The following CASP6 variants were observed in gnomAD, a reference collection of about 807,000 sequenced individuals.
CASP6 encodes caspase-6.
A neutral mutation model predicts 31.8 loss-of-function variants in CASP6; 20 were observed. That is an observed-to-expected ratio of 0.63 (90% CI 0.44 to 0.91). The LOEUF is 0.91. Among genes scored for constraint, CASP6 ranks in the 40% least tolerant of loss-of-function variants. The probability of loss-of-function intolerance (pLI) is 0.00; values close to 1 mark genes in which losing one functional copy is unlikely to be tolerated. For missense variants in CASP6, 328 were observed against 361.1 expected (o/e 0.91, Z 0.74); for synonymous variants, 130 against 127.8 (o/e 1.02, Z -0.12).
At chr4:109,682,425 A>C in the CASP6 span, among the ~76,000 whole-genome samples, 3 of 152,128 alleles carry the variant, frequency 2.0e-5, no homozygotes, top group African/African-American at 7.2e-5. Context: ...CTGCTTTTCA[A>C]ATGTATATTA....
the CASP6 span, among the ~76,000 whole-genome samples, chr4:109,665,958 AAAAG>A: frequency 2.2e-4 from 34 of 152,114 alleles, no homozygotes; most frequent in African/African-American, 7.5e-4. Context: ...TGGGAGGAAA[AAAAG>A]AAAGGCAAGA....
At chr4:109,674,647 A>G in the CASP6 span, among the ~76,000 whole-genome samples, 3 of 152,266 alleles carry the variant, frequency 2.0e-5, no homozygotes, top group South Asian at 6.2e-4. Flanking sequence ...CAAATCCAGA[A>G]AGCTTAAACA....
chr4:109,701,878 G>A (rs1427540898), intron 1 of CASP6, among the ~76,000 whole-genome samples: 2 of 152,092 alleles, frequency 1.3e-5, no homozygotes, highest in African/African-American at 4.8e-5. Flanking sequence ...AGATTCCAAA[G>A]TCTCTGTAGG....
At chr4:109,693,410 G>C (rs149474799) in intron 5 of CASP6, among the ~76,000 whole-genome samples, 1 of 152,120 alleles carries the variant, frequency 6.6e-6, no homozygotes, top group Non-Finnish European at 1.5e-5. Context: ...ATCTTTGGCC[G>C]GGCACAGTGG....
chr4:109,682,786 G>C, the CASP6 span: 1 of 1,475,612 alleles, frequency 6.8e-7, no homozygotes, highest in Non-Finnish European at 9.3e-7. Flanking sequence ...ATAATACCTA[G>C]TGTTTATTGA....
At chr4:109,676,443 A>G in the CASP6 span, among the ~76,000 whole-genome samples, 1 of 152,194 alleles carries the variant, frequency 6.6e-6, no homozygotes, top group African/African-American at 2.4e-5. Flanking sequence ...GGAATATCTT[A>G]CTGGAAGCTG....
Position 109,703,399 on chromosome 4 carries a change from A to T in CASP6, c.-4T>A. 6.2e-7 allele frequency: 1 copy of T among 1,611,798 alleles called. No homozygotes were observed. The highest frequency in any genetic ancestry group is 8.5e-7 in the Non-Finnish European group (1 of 1,179,260). ...GGAGCCCCGAGGCCGAGCTCATTGCAGCCAAACGCGCAGCCAGACACCTTG... is the reference window on the plus strand; with the variant it reads ...GGAGCCCCGAGGCCGAGCTCATTGCTGCCAAACGCGCAGCCAGACACCTTG... On this transcript the variant is annotated 5_prime_UTR_variant, in exon 1 of 7. Coordinates refer to ENST00000265164, the MANE Select transcript of CASP6 (RefSeq NM_001226.4).
chr4:109,699,910 GAAAC>G (rs1186685968), intron 1 of CASP6, among the ~76,000 whole-genome samples: 5 of 152,152 alleles, frequency 3.3e-5, no homozygotes, highest in Admixed American at 3.3e-4. Context: ...AGAGTATAAA[GAAAC>G]AATAACTTCA....
At chr4:109,693,674 GACTCCA>G (rs1218764828) in intron 5 of CASP6, among the ~76,000 whole-genome samples, 2 of 133,136 alleles carry the variant, frequency 1.5e-5, no homozygotes, top group Non-Finnish European at 1.6e-5. Flanking sequence ...GACAGAGCGA[GACTCCA>G]TCTCAAAAAA....
chr4:109,705,108 T>A (rs962535758), upstream of CASP6, among the ~76,000 whole-genome samples: 1 of 152,212 alleles, frequency 6.6e-6, no homozygotes, highest in East Asian at 1.9e-4. Flanking sequence ...CTTCAAAGCT[T>A]CAAAGAACAG....
the CASP6 span, among the ~76,000 whole-genome samples, chr4:109,670,719 CAAAAAA>C: frequency 1.6e-5 from 2 of 125,092 alleles, no homozygotes; most frequent in African/African-American, 5.8e-5. Context: ...ACTCTGTCTC[CAAAAAA>C]AAAAAAGAAA....
chr4:109,694,893 C>T (rs780768426), intron 4 of CASP6, among the ~76,000 whole-genome samples, 193 bp from the exon 5 acceptor site: 7 of 152,092 alleles, frequency 4.6e-5, no homozygotes, highest in East Asian at 1.9e-4. Flanking sequence ...AGTGCAGTGG[C>T]GCGATCTTGG....
upstream of CASP6, among the ~76,000 whole-genome samples, chr4:109,706,168 T>TATATATATATATATATATATATAC (rs1438834395): frequency 6.5e-5 from 6 of 92,488 alleles, no homozygotes; most frequent in African/African-American, 1.8e-4. Flanking sequence ...TATATATATA[T>TATATATATATATATATATATATAC]ATACACACAC....
chr4:109,701,307 T>C (rs1032282222), intron 1 of CASP6, among the ~76,000 whole-genome samples: 1 of 152,212 alleles, frequency 6.6e-6, no homozygotes, highest in Non-Finnish European at 1.5e-5. Context: ...AATAGCTTTA[T>C]TGATATGGAG....
the CASP6 span, among the ~76,000 whole-genome samples, chr4:109,668,897 C>A: frequency 6.6e-6 from 1 of 151,994 alleles, no homozygotes; most frequent in Admixed American, 6.6e-5. Flanking sequence ...TGCTTCACGG[C>A]TAGTGCAAAT....
chr4:109,677,469 G>A, the CASP6 span, among the ~76,000 whole-genome samples: 5 of 152,144 alleles, frequency 3.3e-5, no homozygotes, highest in Admixed American at 3.3e-4. Flanking sequence ...TGAGGGGCCG[G>A]GGCAGAATGC....
chr4:109,670,281 C>T, the CASP6 span, among the ~76,000 whole-genome samples: 1 of 151,874 alleles, frequency 6.6e-6, no homozygotes, highest in Non-Finnish European at 1.5e-5. Flanking sequence ...TCCCCCACCC[C>T]CCACCACCTT....
At chr4:109,684,393 T>TA, downstream of CASP6, 1 of 1,426,450 alleles carries the variant, frequency 7.0e-7, no homozygotes, top group South Asian at 1.3e-5. Flanking sequence ...TTTTGTCCCT[T>TA]TAGTTGGTGT....
chr4:109,674,042 C>T, the CASP6 span: 8 of 1,347,642 alleles, frequency 5.9e-6, no homozygotes, highest in Non-Finnish European at 8.5e-6. Flanking sequence ...CGTGTGGTAG[C>T]CCAAGGCTTT....
Sources: allele counts gnomAD v4.1 joint callset (sites outside exome capture counted in the v4.1 genomes callset), GRCh38; gene constraint gnomAD v4.1.1; transcripts MANE v1.5; gene names NCBI Gene and HGNC (gene_info 2026-07-23, HGNC 2026-07-21).